The following FBN2 variants were observed in gnomAD, a reference collection of about 807,000 sequenced individuals.
FBN2 encodes fibrillin-2.
Under a neutral mutation model 355.6 loss-of-function variants are expected in FBN2, and 105 were observed. The observed-to-expected ratio is 0.30, with a 90% confidence interval of 0.25 to 0.35. The LOEUF is 0.35. FBN2 is among the 10% of genes least tolerant of loss of function. The pLI is 1.00. For synonymous variants in FBN2, 1,350 were observed against 1,301.2 expected (o/e 1.04, Z -0.81); for missense variants, 3,280 against 3,758.7 (o/e 0.87, Z 3.33).
At chr5:128,416,320 C>T (rs1468585634) in intron 7 of FBN2, among the ~76,000 whole-genome samples, 4 of 152,112 alleles carry the variant, frequency 2.6e-5, no homozygotes, top group African/African-American at 7.2e-5. Context: ...CCACTGAGCC[C>T]GAACCCATAG....
At chr5:128,418,102 T>A (rs12153805) in intron 7 of FBN2, among the ~76,000 whole-genome samples, 13 of 152,116 alleles carry the variant, frequency 8.5e-5, no homozygotes, top group Non-Finnish European at 1.5e-4. Flanking sequence ...GACTTTCCAG[T>A]TTTTTAGTTA....
intron 16 of FBN2, 41 bp from the exon 17 acceptor site, chr5:128,366,471 A>T: frequency 4.0e-6 from 5 of 1,258,056 alleles, no homozygotes; most frequent in Non-Finnish European, 5.8e-6. Flanking sequence ...AAACTTAACT[A>T]TACCTATTCC....
At chr5:128,288,608 A>G in intron 52 of FBN2, 51 bp from the exon 53 acceptor site, 1 of 1,601,700 alleles carries the variant, frequency 6.2e-7, no homozygotes, top group Non-Finnish European at 8.5e-7. Context: ...GTTTAACAGG[A>G]GAATGCCCAG....
chr5:128,359,865 A>G (rs1751592925), intron 19 of FBN2, among the ~76,000 whole-genome samples: 1 of 47,032 alleles, frequency 2.1e-5, no homozygotes, highest in African/African-American at 3.8e-5. Flanking sequence ...AACTCTCAGA[A>G]CCTTTGTACT....
At chr5:128,321,957 G>A (rs1750385896) in intron 34 of FBN2, among the ~76,000 whole-genome samples, 1 of 152,048 alleles carries the variant, frequency 6.6e-6, no homozygotes, top group African/African-American at 2.4e-5. Flanking sequence ...AGCATCTGTT[G>A]TTTCCTGACT....
chr5:128,325,356 T>C (rs571147670), intron 34 of FBN2, among the ~76,000 whole-genome samples: 1 of 152,366 alleles, frequency 6.6e-6, no homozygotes, highest in Admixed American at 6.5e-5. Flanking sequence ...TTTACCATTA[T>C]GTAATGCCCT....
At chr5:128,478,089 T>C (rs1223892425) in intron 5 of FBN2, among the ~76,000 whole-genome samples, 1 of 152,194 alleles carries the variant, frequency 6.6e-6, no homozygotes, top group African/African-American at 2.4e-5. Context: ...CAGTAGGTAC[T>C]CCACGGCATT....
At position 128,464,717 on chromosome 5, in the gene FBN2, G is replaced by C. The variant is rs202008177; in HGVS notation, c.826+7C>G. On this transcript the variant is annotated splice_region_variant and intron_variant, in intron 6 of 64. Coordinates refer to ENST00000262464, the MANE Select transcript of FBN2 (RefSeq NM_001999.4). ...CGATGGTGTGCACAGGCAGACAGCT[G>C]ACTCACCTTGGCAAGCTCCAGTGCG... 1 of 1,612,198 alleles carries C rather than the reference G, an allele frequency of 6.2e-7. No individual in the cohort carries two copies. The highest frequency in any genetic ancestry group is 2.2e-5 in the East Asian group (1 of 44,798).
chr5:128,514,682 C>T (rs6881647), intron 5 of FBN2, among the ~76,000 whole-genome samples: 149,641 of 152,276 alleles, frequency 0.98, 73,556 homozygotes, highest in East Asian at 1. Flanking sequence ...CTTACTCTTA[C>T]ATCTTGCTTG....
In FBN2 at chr5:128,301,500, C is replaced by A. The variant is rs1480106700; in HGVS notation, c.5928G>T (p.Glu1976Asp). The change falls in exon 47 of 65, where the codon GAG becomes GAT. Residue 1976 changes from glutamate to aspartate, a missense_variant. Physicochemically the swap from Glu to Asp is conservative, Grantham distance 45. Coordinates refer to ENST00000262464, the MANE Select transcript of FBN2 (RefSeq NM_001999.4). ...THNNDCLDID[E>D]CSSFFGQVCR... ...ACACCTGACCAAAAAAGGAACTGCA[C>A]TCATCTATGTCTGTAAGCAAACAGG... The A allele has an allele frequency of 6.2e-7, 1 of 1,613,326 alleles. No homozygotes were observed. The highest frequency in any genetic ancestry group is 8.5e-7 in the Non-Finnish European group (1 of 1,179,776).
intron 47 of FBN2, among the ~76,000 whole-genome samples, 198 bp downstream of exon 47, chr5:128,301,184 C>A (rs1221269102): frequency 6.6e-6 from 1 of 152,160 alleles, no homozygotes; most frequent in Non-Finnish European, 1.5e-5. Flanking sequence ...CAAGCTCTGT[C>A]CCCAGTAAAA....
intron 5 of FBN2, among the ~76,000 whole-genome samples, chr5:128,467,114 A>G (rs1754734658): frequency 6.6e-6 from 1 of 152,090 alleles, no homozygotes; most frequent in Non-Finnish European, 1.5e-5. Context: ...TCATAAATAA[A>G]CCAACTTGAC....
At position 128,378,870 on chromosome 5, in the gene FBN2, T is replaced by C. The variant is rs781622385; in HGVS notation, c.1624A>G (p.Asn542Asp). The C allele has an allele frequency of 3.1e-6, 5 of 1,613,156 alleles. No homozygotes were observed. Among genetic ancestry groups the C allele is most frequent in the Admixed American group, 1.7e-5 (1 of 59,952 alleles). The part of the protein sequence containing the change: ...DCIDVDECTS[N>D]PCTNGDCVNT... ...ACACAATCTCCATTAGTGCAGGGAT[T>C]TGATGTGCATTCATCAACATCTGTG... Residue 542 changes from asparagine to aspartate, a missense_variant, in exon 12 of 65, where the codon AAT becomes GAT. Around this residue, in one of 6 missense-constraint regions of FBN2, gnomAD observed 2,284 missense variants for 2,749.5 expected, o/e 0.83. Transcript: ENST00000262464.
intron 36 of FBN2, among the ~76,000 whole-genome samples, chr5:128,315,764 G>T (rs1750184431): frequency 6.6e-6 from 1 of 152,166 alleles, no homozygotes. Flanking sequence ...GGATGGTTCA[G>T]GTTCTTGTTA....
At chr5:128,267,748 C>T (rs1405519259) in intron 62 of FBN2, among the ~76,000 whole-genome samples, 1 of 152,096 alleles carries the variant, frequency 6.6e-6, no homozygotes, top group African/African-American at 2.4e-5. Context: ...AGATTGCAAA[C>T]ATTTTCTTCC....
rs1801167 is a variant in FBN2 at position 128,345,430 on chromosome 5, G to C, written c.3144C>G (p.Tyr1048Ter). The C allele has an allele frequency of 6.2e-7, 1 of 1,614,118 alleles. No homozygotes were observed. The highest frequency in any genetic ancestry group is 8.5e-7 in the Non-Finnish European group (1 of 1,180,018). Residue 1048 changes from tyrosine (Y) to a stop codon, truncating the protein, a stop_gained, in exon 24 of 65, where the codon TAC becomes TAG. Transcript: ENST00000262464. LOFTEE classifies it high-confidence loss of function. The stretch of plus-strand genomic sequence containing the variant: ...CAGCCCCGCGGGGGCACAGCGTCTC[G>C]TATTCCTTGGTGCCAGGTTTGGGGC... ...EECPKPGTKE[Y>*]ETLCPRGAGF...
Position 128,310,113 on chromosome 5 carries a change from A to G in FBN2, c.5075-5T>C. On this transcript the variant is annotated splice_polypyrimidine_tract_variant and splice_region_variant and intron_variant, in intron 39 of 64. Transcript: ENST00000262464. The stretch of plus-strand genomic sequence containing the variant: ...GTGCAAAACACTCATCAATATCTAG[A>G]GTAGGCAAGAATATCTATTAATTAA... 7 of 1,608,460 alleles carry G rather than the reference A, an allele frequency of 4.4e-6. No individual in the cohort carries two copies. The highest frequency in any genetic ancestry group is 6.0e-6 in the Non-Finnish European group (7 of 1,175,136).
intron 8 of FBN2, among the ~76,000 whole-genome samples, chr5:128,399,005 C>T (rs896825438): frequency 1.3e-5 from 2 of 152,142 alleles, no homozygotes; most frequent in African/African-American, 4.8e-5. Flanking sequence ...TGCCCAGTCT[C>T]GGGTATGTCT....
intron 36 of FBN2, among the ~76,000 whole-genome samples, chr5:128,313,871 A>AC (rs1351640726): frequency 4.6e-5 from 7 of 151,222 alleles, no homozygotes; most frequent in African/African-American, 1.7e-4. Flanking sequence ...AAAAAAAAAA[A>AC]AAAAACATAT....
Sources: gnomAD v4.1 joint callset for allele counts (sites outside exome capture counted in the v4.1 genomes callset) on GRCh38, gnomAD v4.1.1 for gene constraint, gnomAD v4.1.1 regional missense constraint, MANE v1.5 for transcripts, NCBI Gene and HGNC (gene_info 2026-07-23, HGNC 2026-07-21) for gene names.